CSMD3: variants seen among roughly 807,000 people sequenced by gnomAD.
The protein encoded by CSMD3 is CUB and Sushi multiple domains 3, also known as CUB and sushi domain-containing protein 3.
A neutral mutation model predicts 435.2 loss-of-function variants in CSMD3; 177 were observed. That is an observed-to-expected ratio of 0.41 (90% CI 0.36 to 0.46). The LOEUF is 0.46. Ranked by LOEUF, CSMD3 falls within the 20% of genes least tolerant of loss-of-function variation. The pLI is 0.34. For missense variants in CSMD3, 4,265 were observed against 4,504.6 expected (o/e 0.95, Z 1.52); for synonymous variants, 1,656 against 1,520.5 (o/e 1.09, Z -2.07).
At chr8:112,859,298 CAT>C (rs1163030492) in intron 10 of CSMD3, 32 bp from the exon 11 acceptor site, 1 of 1,581,064 alleles carries the variant, frequency 6.3e-7, no homozygotes, top group Admixed American at 1.7e-5. Context: ...AAAAGATGAA[CAT>C]ATGTCACATG....
intron 38 of CSMD3, among the ~76,000 whole-genome samples, chr8:112,365,318 G>A (rs1827661009): frequency 6.6e-6 from 1 of 151,744 alleles, no homozygotes; most frequent in Non-Finnish European, 1.5e-5. Context: ...TTATATGTTA[G>A]GTAATTTTTG....
At chr8:112,376,226 C>T (rs890899422) in intron 38 of CSMD3, among the ~76,000 whole-genome samples, 1 of 152,128 alleles carries the variant, frequency 6.6e-6, no homozygotes, top group Non-Finnish European at 1.5e-5. Flanking sequence ...GAATCTTCTA[C>T]TAGACTCTTC....
chr8:112,228,028 C>T (rs903161649), intron 70 of CSMD3, among the ~76,000 whole-genome samples: 2 of 151,922 alleles, frequency 1.3e-5, no homozygotes, highest in Admixed American at 1.3e-4. Context: ...AGCGACAGAG[C>T]AAGACTCCGT....
chr8:112,939,399 T>G (rs1358002744), intron 9 of CSMD3, among the ~76,000 whole-genome samples: 2 of 152,082 alleles, frequency 1.3e-5, no homozygotes, highest in Non-Finnish European at 2.9e-5. Context: ...GGTACTTCAC[T>G]AGGCAAGTTC....
At chr8:112,370,389 C>A (rs1462812276) in intron 38 of CSMD3, among the ~76,000 whole-genome samples, 1 of 152,180 alleles carries the variant, frequency 6.6e-6, no homozygotes, top group Non-Finnish European at 1.5e-5. Flanking sequence ...CATGGTAATA[C>A]CTTGTAAATC....
At chr8:112,988,356 T>C (rs1042752556) in intron 6 of CSMD3, among the ~76,000 whole-genome samples, 1 of 152,122 alleles carries the variant, frequency 6.6e-6, no homozygotes, top group Non-Finnish European at 1.5e-5. Flanking sequence ...TGTAAATGCA[T>C]TAAAAATGTA....
At chr8:112,431,232 T>C (rs532897660) in intron 32 of CSMD3, among the ~76,000 whole-genome samples, 4 of 152,248 alleles carry the variant, frequency 2.6e-5, no homozygotes, top group African/African-American at 7.2e-5. Context: ...GAAAGTCAGA[T>C]TCTACTACTA....
chr8:112,358,113 G>C (rs1279040827), intron 38 of CSMD3, among the ~76,000 whole-genome samples: 3 of 152,192 alleles, frequency 2.0e-5, no homozygotes, highest in Non-Finnish European at 4.4e-5. Context: ...GAGACATGGA[G>C]TCAAAGGAGA....
Position 112,295,977 on chromosome 8 carries a change from C to T in CSMD3, c.8470G>A (p.Val2824Met). 1 of 1,613,310 alleles carries T rather than the reference C, an allele frequency of 6.2e-7. No individual in the cohort carries two copies. Among genetic ancestry groups the T allele is most frequent in the South Asian group, 1.1e-5 (1 of 91,062 alleles). ...AGHCGIPELIVNGQVIGENYG... is the reference protein window; with the variant it reads ...AGHCGIPELIMNGQVIGENYG... Reference sequence around the variant, plus strand: ...TTTTCTCCAATGACTTGACCATTCACAATCAGTTCTGGAATTCCACAATGA... The same window carrying T: ...TTTTCTCCAATGACTTGACCATTCATAATCAGTTCTGGAATTCCACAATGA... The change falls in exon 54 of 71, where the codon GTG (valine) becomes ATG (methionine). Residue 2824 changes from valine to methionine, a missense_variant. Physicochemically the swap from Val to Met is conservative, Grantham distance 21. Coordinates refer to ENST00000297405, the MANE Select transcript of CSMD3 (RefSeq NM_198123.2).
chr8:112,938,874 T>G (rs548501499), intron 9 of CSMD3, among the ~76,000 whole-genome samples: 1 of 152,118 alleles, frequency 6.6e-6, no homozygotes, highest in African/African-American at 2.4e-5. Flanking sequence ...ACAAGGCCTG[T>G]CTTTATTACT....
At chr8:112,347,160 A>T (rs758897187) in intron 40 of CSMD3, among the ~76,000 whole-genome samples, 22 of 152,198 alleles carry the variant, frequency 1.4e-4, no homozygotes, top group Non-Finnish European at 2.5e-4. Flanking sequence ...AATCCCTATT[A>T]TACGGTTTAC....
rs147072833 is a variant in CSMD3, at chr8:112,273,281, TA to T, written c.9509-7692del. Among the ~76,000 whole-genome samples the T allele has an allele frequency of 8.3e-3, 1,240 of 149,666 alleles. 15 individuals are homozygous for T. Among genetic ancestry groups the T allele is most frequent in the African/African-American group, 0.029 (1,161 of 40,308 alleles). Reference sequence around the variant, plus strand: ...AAATAAACAAAATTGTTATTCATTGTAAAAAAAAAATGAAAGTGTTCCTCAG... The same window carrying T: ...AAATAAACAAAATTGTTATTCATTGTAAAAAAAAATGAAAGTGTTCCTCAG... On this transcript the variant is annotated intron_variant, in intron 59 of 70. Transcript: ENST00000297405.
intron 58 of CSMD3, among the ~76,000 whole-genome samples, chr8:112,282,893 T>A (rs183158875): frequency 3.3e-5 from 5 of 152,182 alleles, no homozygotes; most frequent in Admixed American, 3.3e-4. Context: ...TTAGTACTAG[T>A]CAACCAAACC....
intron 9 of CSMD3, among the ~76,000 whole-genome samples, chr8:112,942,563 A>G (rs2083483649): frequency 6.6e-6 from 1 of 151,798 alleles, no homozygotes; most frequent in African/African-American, 2.4e-5. Flanking sequence ...CTTTGCAGCA[A>G]TATGTATGAA....
chr8:113,248,175 G>T (rs993388295), intron 3 of CSMD3, among the ~76,000 whole-genome samples: 2 of 151,834 alleles, frequency 1.3e-5, no homozygotes, highest in African/African-American at 4.8e-5. Flanking sequence ...ATAATTTAAT[G>T]AAGCATAAAT....
chr8:112,743,734 A>C (rs544067204), intron 13 of CSMD3, among the ~76,000 whole-genome samples: 1 of 152,174 alleles, frequency 6.6e-6, no homozygotes, highest in African/African-American at 2.4e-5. Flanking sequence ...GTGTTTCTTT[A>C]AAAGGGAAAA....
intron 22 of CSMD3, among the ~76,000 whole-genome samples, chr8:112,613,451 T>G (rs574947799): frequency 1.3e-5 from 2 of 152,312 alleles, no homozygotes; most frequent in South Asian, 2.1e-4. Context: ...TAATTCTTAC[T>G]TTACATAAAC....
chr8:112,774,547 C>A (rs2078200727), intron 13 of CSMD3, among the ~76,000 whole-genome samples: 1 of 151,940 alleles, frequency 6.6e-6, no homozygotes, highest in South Asian at 2.1e-4. Flanking sequence ...TACTTCACAC[C>A]TTATCTTCCC....
intron 32 of CSMD3, among the ~76,000 whole-genome samples, chr8:112,417,533 A>G (rs1812043588): frequency 6.6e-6 from 1 of 152,194 alleles, no homozygotes; most frequent in Non-Finnish European, 1.5e-5. Flanking sequence ...TTATGTGAGC[A>G]TATCCTCTTT....
Sources: allele counts gnomAD v4.1 joint callset (sites outside exome capture counted in the v4.1 genomes callset), GRCh38; gene constraint gnomAD v4.1.1; transcripts MANE v1.5; gene names NCBI Gene and HGNC (gene_info 2026-07-23, HGNC 2026-07-21).